The following PKHD1L1 variants were observed in gnomAD, a reference collection of about 807,000 sequenced individuals.
PKHD1L1 encodes PKHD1 like 1.
PKHD1L1 carries 434 observed loss-of-function variants against 462.9 expected under a neutral mutation model. That is an observed-to-expected ratio of 0.94 (90% confidence interval 0.87 to 1.02). The LOEUF (loss-of-function observed/expected upper bound fraction) is 1.02. PKHD1L1 is among the 50% of genes least tolerant of loss of function. PKHD1L1 has a pLI of 0.00. For missense variants in PKHD1L1, 5,202 were observed against 5,096.1 expected, an observed-to-expected ratio of 1.02 and a Z score of -0.63; for synonymous variants, 1,781 against 1,750.0, an observed-to-expected ratio of 1.02 and a Z score of -0.44.
At chr8:109,454,048 A>G in intron 43 of PKHD1L1, 119 bp from the exon 44 acceptor site, 1 of 572,234 alleles carries the variant, frequency 1.7e-6, no homozygotes, top group Non-Finnish European at 3.0e-6. Flanking sequence ...TGAATGAGGA[A>G]TTAAATTTTA....
intron 65 of PKHD1L1, among the ~76,000 whole-genome samples, chr8:109,497,617 G>A (rs1021334191): frequency 6.6e-6 from 1 of 151,854 alleles, no homozygotes; most frequent in African/African-American, 2.4e-5. Flanking sequence ...TAGTAGAGAT[G>A]GGGTTTCACT....
chr8:109,475,289 A>T lies in PKHD1L1; in HGVS notation c.8757+20A>T. On this transcript the variant is annotated intron_variant, in intron 51 of 77. Coordinates refer to ENST00000378402, the MANE Select transcript of PKHD1L1 (RefSeq NM_177531.6). ...TTCAAGGTAAAAATATTTATCTTCT[A>T]ATGATTATAATTGTGTATTACCCAA... 1 of 1,555,940 alleles carries T rather than the reference A, an allele frequency of 6.4e-7. No homozygotes were observed. Among genetic ancestry groups the T allele is most frequent in the East Asian group, 2.3e-5 (1 of 43,714 alleles).
chr8:109,510,978 A>T (rs72669109), intron 71 of PKHD1L1, 44 bp downstream of exon 71: 321,929 of 1,586,666 alleles, frequency 0.2, 35,809 homozygotes, highest in South Asian at 0.38. Flanking sequence ...GATTATTTGC[A>T]TGTTATTTCT....
chr8:109,419,802 A>G (rs1448740531), intron 22 of PKHD1L1, among the ~76,000 whole-genome samples: 2 of 152,184 alleles, frequency 1.3e-5, no homozygotes, highest in Non-Finnish European at 2.9e-5. Context: ...TTAAAAAATT[A>G]ACCTAACTCC....
At chr8:109,393,955 C>T (rs752637839) in intron 9 of PKHD1L1, among the ~76,000 whole-genome samples, 9 of 151,852 alleles carry the variant, frequency 5.9e-5, no homozygotes, top group Non-Finnish European at 1.0e-4. Context: ...GGATGGATCA[C>T]GAGGTTAAGG....
chr8:109,493,647 A>C lies in PKHD1L1; in HGVS notation c.10237-14A>C. 1.3e-6 allele frequency: 2 copies of C among 1,535,344 alleles called. No individual in the cohort carries two copies. Among genetic ancestry groups the C allele is most frequent in the Admixed American group, 1.9e-5 (1 of 53,342 alleles). ...AGCCTGATGCACAGTATTTTTTTTT[A>C]ATCATTGCACTAGATAAATAGAGGG... On this transcript the variant is annotated splice_polypyrimidine_tract_variant and intron_variant, in intron 62 of 77. Transcript: ENST00000378402.
At chr8:109,470,958 T>C in intron 50 of PKHD1L1, 1 of 1,610,474 alleles carries the variant, frequency 6.2e-7, no homozygotes. Flanking sequence ...GGGGAGTTCC[T>C]CTTTAACAAG....
intron 67 of PKHD1L1, among the ~76,000 whole-genome samples, chr8:109,503,315 C>CA (rs35157030): frequency 0.045 from 5,954 of 132,576 alleles, 300 homozygotes; most frequent in African/African-American, 0.13. Context: ...CAAAAACAAA[C>CA]AAAAAAAAAA....
rs1205282808 is a variant in PKHD1L1 at position 109,486,792 on chromosome 8, C to T, written c.9851C>T (p.Ser3284Leu). The change falls in exon 59 of 78, where the codon TCA (serine) becomes TTA (leucine). Residue 3284 changes from serine to leucine, a missense_variant. Physicochemically the swap from Ser to Leu is moderately radical, Grantham distance 145 (BLOSUM62 -2). Transcript: ENST00000378402. ...DSFGARVLVG[S>L]FTENMMTFKG... ...TTTGGAGCACGCGTACTGGTTGGCT[C>T]ATTCACTGAAAATATGATGACATTT... 3 of 1,611,780 alleles carry T rather than the reference C, an allele frequency of 1.9e-6. No homozygotes were observed. The East Asian group carries it at 6.7e-5, about 36-fold the overall frequency.
chr8:109,369,899 A>G (rs1297454275), intron 2 of PKHD1L1, among the ~76,000 whole-genome samples: 2 of 152,148 alleles, frequency 1.3e-5, no homozygotes, highest in African/African-American at 4.8e-5. Flanking sequence ...TGAAATTGGT[A>G]TTTATATTGT....
At position 109,498,509 on chromosome 8, in the gene PKHD1L1, C is replaced by T. The variant is rs1267122512; in HGVS notation, c.10647C>T (p.Val3549=). Reference sequence around the variant, plus strand: ...GCCCTGGGTTTAATTGCTCTGATGTCCTAACTAATGATGATCCTAATATTG... The same window carrying T: ...GCCCTGGGTTTAATTGCTCTGATGTTCTAACTAATGATGATCCTAATATTG... ...GSSPGFNCSD[V]LTNDDPNIEL... The change falls in exon 66 of 78, where the codon GTC becomes GTT. Residue 3549 remains valine (V), a synonymous_variant. Transcript: ENST00000378402. The T allele has an allele frequency of 1.2e-6, 2 of 1,613,592 alleles. No homozygotes were observed. Among genetic ancestry groups the T allele is most frequent in the Non-Finnish European group, 8.5e-7 (1 of 1,179,664 alleles).
At chr8:109,477,545 C>G (rs1304742890) in intron 53 of PKHD1L1, 149 bp downstream of exon 53, 1 of 741,306 alleles carries the variant, frequency 1.3e-6, no homozygotes. Context: ...TTTGCTTGAG[C>G]CTTACAAAAA....
intron 14 of PKHD1L1, among the ~76,000 whole-genome samples, chr8:109,404,174 A>T (rs1813410058): frequency 6.6e-6 from 1 of 152,212 alleles, no homozygotes; most frequent in South Asian, 2.1e-4. Context: ...GCTATGTCTA[A>T]GCCTGCCATT....
intron 30 of PKHD1L1, 71 bp downstream of exon 30, chr8:109,436,530 G>A: frequency 1.9e-6 from 3 of 1,572,974 alleles, no homozygotes; most frequent in South Asian, 2.3e-5. Context: ...ACATCTCAGT[G>A]GGGCGGGGGG....
At chr8:109,413,659 G>C (rs1813979430) in intron 21 of PKHD1L1, 114 bp downstream of exon 21, 9,678 of 483,104 alleles carry the variant, frequency 0.02, no homozygotes, top group Non-Finnish European at 0.028. Flanking sequence ...GGAGATGAGG[G>C]CAAATAATGC....
rs185994442 is a variant in PKHD1L1, at chr8:109,488,274, T to G, written c.9880+1453T>G. On this transcript the variant is annotated intron_variant, in intron 59 of 77. Transcript: ENST00000378402. The stretch of plus-strand genomic sequence containing the variant: ...AAGGTGACAGGGAGTTTTTATTGTT[T>G]TGTTTTTAGTATCATTATGTGCTCC... Among the ~76,000 whole-genome samples, 482 of 152,090 alleles carry G rather than the reference T, an allele frequency of 3.2e-3. 1 individual carries two copies. The highest frequency in any genetic ancestry group is 0.011 in the African/African-American group (437 of 41,530).
Position 109,531,326 on chromosome 8 carries a change from G to C in PKHD1L1, c.*1236G>C, listed in dbSNP as rs1036953449. Among the ~76,000 whole-genome samples the C allele has an allele frequency of 3.3e-5, 5 of 152,150 alleles. No individual in the cohort carries two copies. Among genetic ancestry groups the C allele is most frequent in the African/African-American group, 1.2e-4 (5 of 41,424 alleles). On this transcript the variant is annotated 3_prime_UTR_variant, in exon 78 of 78. Transcript: ENST00000378402. ...TATCTGTTGGGTGTTCTAGTAAGTA[G>C]GAAGGCTACAAGAAATAAGATGCTA...
chr8:109,512,114 G>A (rs1180938926), intron 71 of PKHD1L1, among the ~76,000 whole-genome samples: 1 of 151,798 alleles, frequency 6.6e-6, no homozygotes, highest in Non-Finnish European at 1.5e-5. Flanking sequence ...CAGATGAGTA[G>A]GTCGCGAAAA....
At chr8:109,372,342 G>T (rs1331832241) in intron 2 of PKHD1L1, among the ~76,000 whole-genome samples, 5 of 152,102 alleles carry the variant, frequency 3.3e-5, no homozygotes, top group Non-Finnish European at 7.4e-5. Context: ...TGTGATTTTT[G>T]CACATTGATT....
Sources: allele counts gnomAD v4.1 joint callset (sites outside exome capture counted in the v4.1 genomes callset), GRCh38; gene constraint gnomAD v4.1.1; transcripts MANE v1.5; gene names NCBI Gene and HGNC (gene_info 2026-07-23, HGNC 2026-07-21).